ADGRL4: variants seen among roughly 807,000 people sequenced by gnomAD.
ADGRL4 encodes EGF, latrophilin and seven transmembrane domain containing 1.
In ADGRL4, 90 loss-of-function variants were observed where a neutral mutation model predicts 74.8. That is an observed-to-expected ratio of 1.20 (90% CI 1.02 to 1.43). The LOEUF (loss-of-function observed/expected upper bound fraction) is 1.43. Ranked by LOEUF, ADGRL4 falls within the 40% of genes most tolerant of loss-of-function variation. The pLI is 0.00. For missense variants in ADGRL4, 881 were observed against 814.3 expected (o/e 1.08, Z -1.00); for synonymous variants, 311 against 279.2 (o/e 1.11, Z -1.14).
chr1:79,006,252 T>C (rs540937213), intron 1 of ADGRL4, among the ~76,000 whole-genome samples: 13 of 152,298 alleles, frequency 8.5e-5, no homozygotes, highest in African/African-American at 2.9e-4. Context: ...AGATGTCATT[T>C]ACTATCTTTC....
intron 4 of ADGRL4, 107 bp downstream of exon 4, chr1:78,939,081 C>T: frequency 7.5e-7 from 1 of 1,333,288 alleles, no homozygotes; most frequent in East Asian, 3.0e-5. Flanking sequence ...TTCGACTCTC[C>T]CTAAAGTTTG....
In ADGRL4 at chr1:78,948,986, A is replaced by T. The variant is rs189616027; in HGVS notation, c.173-2560T>A. Among the ~76,000 whole-genome samples the T allele has an allele frequency of 4.9e-3, 751 of 152,214 alleles. 5 individuals are homozygous for T. The highest frequency in any genetic ancestry group is 6.6e-3 in the Non-Finnish European group (451 of 68,000). On this transcript the variant is annotated intron_variant, in intron 2 of 14. Coordinates refer to ENST00000370742, the MANE Select transcript of ADGRL4 (RefSeq NM_022159.4). ...ATAATTGAGTTTTTATTAAAATAAA[A>T]GTTTTCATTTTTATCTTTAAATTTG... is the stretch of plus-strand genomic sequence containing the variant.
At chr1:78,962,795 A>G (rs992976315) in intron 2 of ADGRL4, among the ~76,000 whole-genome samples, 2 of 152,128 alleles carry the variant, frequency 1.3e-5, no homozygotes, top group Non-Finnish European at 2.9e-5. Context: ...GATATCTCAC[A>G]ATGTGCAAAA....
At chr1:78,944,651 T>C (rs1246492695) in intron 3 of ADGRL4, among the ~76,000 whole-genome samples, 2 of 152,210 alleles carry the variant, frequency 1.3e-5, no homozygotes, top group Non-Finnish European at 2.9e-5. Flanking sequence ...ATTTAAATGG[T>C]CTACTACACA....
intron 2 of ADGRL4, among the ~76,000 whole-genome samples, chr1:78,954,755 T>C (rs1268030038): frequency 1.3e-5 from 2 of 152,098 alleles, no homozygotes; most frequent in Admixed American, 1.3e-4. Flanking sequence ...GTTAGAAATA[T>C]AGAACTTAAA....
intron 7 of ADGRL4, among the ~76,000 whole-genome samples, chr1:78,932,810 A>C (rs116684406): frequency 0.16 from 24,577 of 151,370 alleles, 2,380 homozygotes; most frequent in Middle Eastern, 0.21. Context: ...ATGCAAAAAA[A>C]CTAGAATATC....
chr1:78,977,623 A>G (rs1489427060), intron 2 of ADGRL4, among the ~76,000 whole-genome samples: 1 of 151,918 alleles, frequency 6.6e-6, no homozygotes, highest in Non-Finnish European at 1.5e-5. Flanking sequence ...AGAGAAAAAG[A>G]GACCAATGAA....
chr1:78,965,131 C>A (rs7516295), intron 2 of ADGRL4, among the ~76,000 whole-genome samples: 2 of 151,924 alleles, frequency 1.3e-5, no homozygotes, highest in Non-Finnish European at 2.9e-5. Context: ...ATTATCTAGT[C>A]CAGAGTTCTA....
chr1:78,952,677 A>G lies in ADGRL4; in HGVS notation c.173-6251T>C, dbSNP rs1649754443. ...TTGACCATGAACTCAAGTTCAATTT[A>G]GTAAAGGAAATGTAAAATTCATCAA... On this transcript the variant is annotated intron_variant, in intron 2 of 14. Transcript: ENST00000370742. 2.0e-5 allele frequency among the ~76,000 whole-genome samples: 3 copies of G among 152,186 alleles called. No homozygotes were observed. The South Asian group carries it at 6.2e-4, about 31-fold the overall frequency.
In ADGRL4 at chr1:79,005,135, C is replaced by A. The variant is rs762428327; in HGVS notation, c.107G>T (p.Arg36Leu). The change falls in exon 2 of 15, where the codon CGC becomes CTC. Residue 36 changes from arginine (R) to leucine (L), a missense_variant. Physicochemically the swap from Arg to Leu is moderately radical, Grantham distance 102. Coordinates refer to ENST00000370742, the MANE Select transcript of ADGRL4 (RefSeq NM_022159.4). Reference sequence around the variant, plus strand: ...GCAATAGCAGGCTTCAATTCCATTGCGTATTTCACATTTTGCATTTGGGAG... The same window carrying A: ...GCAATAGCAGGCTTCAATTCCATTGAGTATTTCACATTTTGCATTTGGGAG... Reference protein sequence around the residue: ...PCLPNAKCEIRNGIEACYCNM... With the variant: ...PCLPNAKCEILNGIEACYCNM... 3.1e-6 allele frequency: 5 copies of A among 1,613,258 alleles called. No homozygotes were observed. Among genetic ancestry groups the A allele is most frequent in the Admixed American group, 3.3e-5 (2 of 59,936 alleles).
rs146998317 is a variant in ADGRL4 at position 79,004,431 on chromosome 1, G to A, written c.172+639C>T. ...CGAAATTACGTAAATTTGATTATCA[G>A]ATGGTGTTCTGCTGATCAAATCAAT... On this transcript the variant is annotated intron_variant, in intron 2 of 14. Coordinates refer to ENST00000370742, the MANE Select transcript of ADGRL4 (RefSeq NM_022159.4). 1.3e-3 allele frequency among the ~76,000 whole-genome samples: 196 copies of A among 152,234 alleles called. 1 individual carries two copies. Among genetic ancestry groups the A allele is most frequent in the African/African-American group, 4.3e-3 (177 of 41,544 alleles).
rs575175475 is a variant in ADGRL4, at chr1:78,932,945, CA to C, written c.877+3349del. 9.3e-5 allele frequency among the ~76,000 whole-genome samples: 14 copies of C among 151,298 alleles called. 1 individual carries two copies. In the South Asian group the frequency reaches 2.5e-3, roughly 27 times the overall value. Reference sequence around the variant, plus strand: ...AAGCAGTAATTAGTAACCTCCCAAACAAAAAAAGCCCAGAGCCAGACTGATT... The same window carrying C: ...AAGCAGTAATTAGTAACCTCCCAAACAAAAAAGCCCAGAGCCAGACTGATT... On this transcript the variant is annotated intron_variant, in intron 7 of 14. Transcript: ENST00000370742.
rs988774611 is a variant in ADGRL4 at position 78,894,723 on chromosome 1, T to C, written c.1750-1534A>G. On this transcript the variant is annotated intron_variant, in intron 12 of 14. Coordinates refer to ENST00000370742, the MANE Select transcript of ADGRL4 (RefSeq NM_022159.4). The stretch of plus-strand genomic sequence containing the variant: ...AGTCTAAATAATATATGCCTACCCA[T>C]TATTGGTTTGAAAAACTTTAAATAA... Among the ~76,000 whole-genome samples the C allele has an allele frequency of 2.0e-5, 3 of 151,964 alleles. No individual in the cohort carries two copies. The South Asian group carries it at 6.2e-4, about 31-fold the overall frequency.
intron 2 of ADGRL4, among the ~76,000 whole-genome samples, chr1:78,964,513 G>C (rs1001177066): frequency 6.6e-6 from 1 of 152,120 alleles, no homozygotes; most frequent in African/African-American, 2.4e-5. Context: ...ATTAGGTTGC[G>C]TTCCTACTAT....
rs554675550 is a variant in ADGRL4 at position 78,936,504 on chromosome 1, T to C, written c.761-93A>G. ...GCTTAGAGACAATTTCATCCATCATTATTGTGTTTTAAATTATTTATAACA... is the reference window on the plus strand; with the variant it reads ...GCTTAGAGACAATTTCATCCATCATCATTGTGTTTTAAATTATTTATAACA... On this transcript the variant is annotated intron_variant, in intron 6 of 14. Transcript: ENST00000370742. 10 of 1,125,758 alleles carry C rather than the reference T, an allele frequency of 8.9e-6. No homozygotes were observed. In the South Asian group the frequency reaches 1.5e-4, roughly 17 times the overall value. 69.7% of individuals were successfully genotyped at this position (1,125,758 alleles called of 1,614,324 possible). A position where few individuals can be genotyped will look rare whatever the true frequency, so the allele number is the denominator to read the frequency against.
At chr1:78,968,418 A>G (rs779204659) in intron 2 of ADGRL4, among the ~76,000 whole-genome samples, 1 of 148,656 alleles carries the variant, frequency 6.7e-6, no homozygotes, top group Non-Finnish European at 1.5e-5. Context: ...AGTTTATCTA[A>G]ATAGCTTGTT....
intron 12 of ADGRL4, among the ~76,000 whole-genome samples, chr1:78,910,607 C>T (rs1260871090): frequency 6.6e-6 from 1 of 151,694 alleles, no homozygotes; most frequent in African/African-American, 2.4e-5. Flanking sequence ...ATGAACTCTT[C>T]TTTATAGTTG....
chr1:78,968,336 A>G (rs1650097802), intron 2 of ADGRL4, among the ~76,000 whole-genome samples: 1 of 152,120 alleles, frequency 6.6e-6, no homozygotes, highest in Admixed American at 6.6e-5. Context: ...CTGCAGTAAT[A>G]GATCAGGCTG....
intron 2 of ADGRL4, among the ~76,000 whole-genome samples, chr1:78,956,550 A>C (rs1649833195): frequency 6.6e-6 from 1 of 152,170 alleles, no homozygotes; most frequent in Admixed American, 6.6e-5. Context: ...CAAGAGCCTA[A>C]CACTCATTTT....
Sources: gnomAD v4.1 joint callset for allele counts (sites outside exome capture counted in the v4.1 genomes callset) on GRCh38, gnomAD v4.1.1 for gene constraint, MANE v1.5 for transcripts, NCBI Gene and HGNC (gene_info 2026-07-23, HGNC 2026-07-21) for gene names.